WWOX: variants seen among roughly 807,000 people sequenced by gnomAD.
WWOX encodes the protein WW domain containing oxidoreductase, also known as WW domain-containing oxidoreductase.
WWOX carries 69 observed loss-of-function variants against 46.2 expected under a neutral mutation model. The ratio of observed to expected loss-of-function variants is 1.49; its 90% CI spans 1.23 to 1.82. The LOEUF (loss-of-function observed/expected upper bound fraction) is 1.82, where lower values mean the gene tolerates loss of function less well. Ranked by LOEUF, WWOX falls within the 40% of genes most tolerant of loss-of-function variation. WWOX has a pLI of 0.00. For synonymous variants in WWOX, 359 were observed against 202.6 expected (o/e 1.77, Z -6.56); for missense variants, 919 against 542.6 (o/e 1.69, Z -6.89).
chr16:79,142,658 C>T lies in WWOX; in HGVS notation c.1057-68950C>T, dbSNP rs144255991. ...AGTATATCTCAAAACATTTTTTCAACGTTAATAGAAATATAAGAAGTGCCT... is the reference window on the plus strand; with the variant it reads ...AGTATATCTCAAAACATTTTTTCAATGTTAATAGAAATATAAGAAGTGCCT... On this transcript the variant is annotated intron_variant, in intron 8 of 8. Transcript: ENST00000566780. Among the ~76,000 whole-genome samples, 540 of 152,182 alleles carry T rather than the reference C, an allele frequency of 3.5e-3. 3 individuals carry two copies. The highest frequency in any genetic ancestry group is 0.012 in the African/African-American group (508 of 41,532).
intron 8 of WWOX, among the ~76,000 whole-genome samples, chr16:78,769,077 C>A (rs1422878694): frequency 6.6e-6 from 1 of 152,140 alleles, no homozygotes; most frequent in African/African-American, 2.4e-5. Flanking sequence ...GCAGGGGCCA[C>A]AAGGCCATCT....
At chr16:78,254,502 GTTTTTT>G (rs59706959) in intron 5 of WWOX, among the ~76,000 whole-genome samples, 14 of 91,648 alleles carry the variant, frequency 1.5e-4, no homozygotes, top group East Asian at 1.1e-3. Context: ...TTTCTTTCTT[GTTTTTT>G]TTTTTTTTTT....
chr16:78,711,513 C>T (rs1043088960), intron 8 of WWOX, among the ~76,000 whole-genome samples: 1 of 152,082 alleles, frequency 6.6e-6, no homozygotes, highest in African/African-American at 2.4e-5. Flanking sequence ...TACAGCTGTT[C>T]TAGAATAATA....
intron 8 of WWOX, among the ~76,000 whole-genome samples, chr16:78,839,667 G>A (rs1555547670): frequency 6.6e-6 from 1 of 152,116 alleles, no homozygotes; most frequent in Non-Finnish European, 1.5e-5. Flanking sequence ...TGGGGAGGGG[G>A]TAGAATAAGG....
chr16:79,157,437 G>C (rs74035093), intron 8 of WWOX, among the ~76,000 whole-genome samples: 7 of 129,704 alleles, frequency 5.4e-5, no homozygotes, highest in Admixed American at 4.3e-4. Context: ...AAAAAAAAAA[G>C]AAAGAAACCA....
intron 4 of WWOX, among the ~76,000 whole-genome samples, chr16:78,143,514 A>G (rs886316134): frequency 1.3e-5 from 2 of 152,202 alleles, no homozygotes; most frequent in African/African-American, 2.4e-5. Context: ...CATATCGCCC[A>G]TGGCTGCTTT....
intron 5 of WWOX, among the ~76,000 whole-genome samples, chr16:78,280,134 T>C (rs115915533): frequency 0.014 from 2,110 of 152,342 alleles, 47 homozygotes; most frequent in African/African-American, 0.047. Flanking sequence ...AATTTAGCTG[T>C]TGTGGGATTT....
In WWOX at chr16:79,019,178, A is replaced by AG. The variant is rs1202466403; in HGVS notation, c.1057-192430_1057-192429insG. 2.1e-3 allele frequency among the ~76,000 whole-genome samples: 116 copies of AG among 54,300 alleles called. 7 individuals carry two copies. Among genetic ancestry groups the AG allele is most frequent in the African/African-American group, 0.017 (113 of 6,742 alleles). The allele number at this position is 54,300 out of a possible 152,430, so 35.6% of individuals were successfully genotyped here. A position where few individuals can be genotyped will look rare whatever the true frequency, so the allele number is the denominator to read the frequency against. On this transcript the variant is annotated intron_variant, in intron 8 of 8. Coordinates refer to ENST00000566780, the MANE Select transcript of WWOX (RefSeq NM_016373.4). ...GTCTCAAAAAAAAAAAAAAAAAAAA[A>AG]AAAAAAAGAAAAAAAAAAGTTGGAA...
intron 8 of WWOX, among the ~76,000 whole-genome samples, chr16:78,987,120 A>G (rs556859079): frequency 5.3e-5 from 8 of 152,306 alleles, no homozygotes; most frequent in Admixed American, 2.6e-4. Flanking sequence ...TGATAGCAGT[A>G]TAGGACTCCA....
chr16:78,524,107 G>A (rs546743157), intron 8 of WWOX, among the ~76,000 whole-genome samples: 1 of 152,288 alleles, frequency 6.6e-6, no homozygotes, highest in East Asian at 1.9e-4. Flanking sequence ...GTGTGTTTTA[G>A]TCGGCAAACA....
chr16:78,885,717 GA>G (rs1345721730), intron 8 of WWOX, among the ~76,000 whole-genome samples: 4 of 152,002 alleles, frequency 2.6e-5, no homozygotes, highest in Non-Finnish European at 1.5e-5. Flanking sequence ...AATATCTCAC[GA>G]ATGGCAGAAG....
chr16:79,120,989 G>A (rs1273749460), intron 8 of WWOX, among the ~76,000 whole-genome samples: 2 of 152,074 alleles, frequency 1.3e-5, no homozygotes, highest in East Asian at 1.9e-4. Context: ...GGCTGGTTTC[G>A]AACTCGTGAC....
At chr16:78,733,421 C>G (rs760119444) in intron 8 of WWOX, among the ~76,000 whole-genome samples, 21 of 152,066 alleles carry the variant, frequency 1.4e-4, no homozygotes, top group Admixed American at 2.6e-4. Flanking sequence ...TACCACTGCA[C>G]TCCAGCCTAA....
intron 5 of WWOX, among the ~76,000 whole-genome samples, chr16:78,314,132 C>T (rs954758898): frequency 7.2e-5 from 11 of 152,062 alleles, no homozygotes; most frequent in Admixed American, 1.3e-4. Flanking sequence ...AGAGGCCGGG[C>T]ACGATGGCTG....
chr16:78,501,938 G>A (rs1190776737), intron 8 of WWOX, among the ~76,000 whole-genome samples: 1 of 152,162 alleles, frequency 6.6e-6, no homozygotes, highest in Non-Finnish European at 1.5e-5. Context: ...CCTGCCCATC[G>A]TCAGATTTCG....
At chr16:79,020,384 C>A (rs947964977) in intron 8 of WWOX, among the ~76,000 whole-genome samples, 4 of 152,102 alleles carry the variant, frequency 2.6e-5, no homozygotes, top group African/African-American at 9.7e-5. Context: ...CTGCCACTTG[C>A]TATAATAGCT....
At chr16:78,480,266 C>G (rs1019777271) in intron 8 of WWOX, among the ~76,000 whole-genome samples, 1 of 152,174 alleles carries the variant, frequency 6.6e-6, no homozygotes, top group African/African-American at 2.4e-5. Context: ...ACATTTCTAC[C>G]ATAGTAGAAT....
intron 8 of WWOX, among the ~76,000 whole-genome samples, chr16:78,917,926 G>A (rs1041897071): frequency 1.3e-5 from 2 of 152,176 alleles, no homozygotes; most frequent in Admixed American, 6.5e-5. Context: ...TATAGGCTGG[G>A]CGTGGTGGCT....
chr16:78,880,850 A>G (rs2044327682), intron 8 of WWOX, among the ~76,000 whole-genome samples: 2 of 152,216 alleles, frequency 1.3e-5, no homozygotes, highest in African/African-American at 4.8e-5. Flanking sequence ...TTCACGATTC[A>G]GAGAAATGCT....
Sources: gnomAD v4.1 joint callset for allele counts (sites outside exome capture counted in the v4.1 genomes callset) on GRCh38, gnomAD v4.1.1 for gene constraint, MANE v1.5 for transcripts, NCBI Gene and HGNC (gene_info 2026-07-23, HGNC 2026-07-21) for gene names.